Variants in NCAPD3 observed in about 807,000 individuals in gnomAD.
NCAPD3 encodes condensin-2 complex subunit D3.
In NCAPD3, 105 loss-of-function variants were observed where a neutral mutation model predicts 182.9. The ratio of observed to expected loss-of-function variants is 0.57; its 90% CI spans 0.49 to 0.68. NCAPD3 has a LOEUF of 0.68. Among genes scored for constraint, NCAPD3 ranks in the 30% least tolerant of loss-of-function variants. NCAPD3 has a pLI of 0.00. For synonymous variants in NCAPD3, 815 were observed against 679.9 expected, an observed-to-expected ratio of 1.20 and a Z score of -3.09; for missense variants, 1,944 against 1,837.0, an observed-to-expected ratio of 1.06 and a Z score of -1.07.
At chr11:134,164,291 G>A (rs959458529) in intron 27 of NCAPD3, among the ~76,000 whole-genome samples, 16 of 152,222 alleles carry the variant, frequency 1.1e-4, no homozygotes, top group South Asian at 2.1e-4. Flanking sequence ...GGAGAAAGAG[G>A]AGATGAAGAG....
chr11:134,207,763 A>C (rs1937668966), intron 7 of NCAPD3, among the ~76,000 whole-genome samples: 1 of 151,754 alleles, frequency 6.6e-6, no homozygotes, highest in Non-Finnish European at 1.5e-5. Context: ...AAAAAAAAAA[A>C]AAAACCATCT....
At chr11:134,176,913 T>A (rs1944182666) in intron 23 of NCAPD3, among the ~76,000 whole-genome samples, 1 of 152,212 alleles carries the variant, frequency 6.6e-6, no homozygotes. Flanking sequence ...TAAAAAAGAA[T>A]AACAGAATTC....
intron 28 of NCAPD3, 85 bp from the exon 29 acceptor site, chr11:134,160,159 G>GT: frequency 7.2e-7 from 1 of 1,397,294 alleles, no homozygotes; most frequent in South Asian, 1.3e-5. Context: ...CTTCGCCTGT[G>GT]TAACAAACCT....
chr11:134,205,025 C>CA, intron 8 of NCAPD3, 54 bp from the exon 9 acceptor site: 1 of 1,317,106 alleles, frequency 7.6e-7, no homozygotes, highest in Admixed American at 1.8e-5. Flanking sequence ...CGACTGTCCC[C>CA]AAAAACCACT....
At chr11:134,171,312 G>T (rs1304482893) in intron 24 of NCAPD3, among the ~76,000 whole-genome samples, 1 of 152,168 alleles carries the variant, frequency 6.6e-6, no homozygotes, top group Non-Finnish European at 1.5e-5. Flanking sequence ...CTTGTAAAAA[G>T]AAGTTATTAC....
Position 134,158,281 on chromosome 11 carries a change from C to T in NCAPD3, c.4034+48G>A, listed in dbSNP as rs750173750. The T allele has an allele frequency of 3.1e-6, 5 of 1,605,842 alleles. No homozygotes were observed. In the African/African-American group the frequency reaches 5.4e-5, roughly 17 times the overall value. On this transcript the variant is annotated intron_variant, in intron 30 of 34. Coordinates refer to ENST00000534548, the MANE Select transcript of NCAPD3 (RefSeq NM_015261.3). ...GGAATGGCAGGGACGCCTCTGAGAA[C>T]ATCGCCACAGAGAACCAGCCCTGAT... is the stretch of plus-strand genomic sequence containing the variant.
At position 134,177,212 on chromosome 11, in the gene NCAPD3, T is replaced by A; in HGVS notation, c.3021+7A>T. ...GGGGAAAGGACAGATTGAACCCCCC[T>A]ACGCACCTGCAAGAGATTGGTAAGC... is the stretch of plus-strand genomic sequence containing the variant. On this transcript the variant is annotated splice_region_variant and intron_variant, in intron 23 of 34. Transcript: ENST00000534548. 6.2e-7 allele frequency: 1 copy of A among 1,602,944 alleles called. No individual in the cohort carries two copies. The highest frequency in any genetic ancestry group is 8.5e-7 in the Non-Finnish European group (1 of 1,169,782).
intron 24 of NCAPD3, 33 bp from the exon 25 acceptor site, chr11:134,169,087 C>A (rs764451661): frequency 1.9e-6 from 3 of 1,602,768 alleles, no homozygotes; most frequent in African/African-American, 1.3e-5. Context: ...GAGGGAGACC[C>A]ATTTGCTATG....
intron 27 of NCAPD3, 26 bp downstream of exon 27, chr11:134,167,967 AGAT>A (rs752434105): frequency 9.9e-5 from 159 of 1,604,878 alleles, no homozygotes; most frequent in African/African-American, 5.6e-4. Flanking sequence ...ACTTGTGAGA[AGAT>A]GATCTTAGGG....
chr11:134,194,009 C>A lies in NCAPD3; in HGVS notation c.1824+7G>T. 6.2e-7 allele frequency: 1 copy of A among 1,609,486 alleles called. No homozygotes were observed. Among genetic ancestry groups the A allele is most frequent in the Non-Finnish European group, 8.5e-7 (1 of 1,177,558 alleles). The stretch of plus-strand genomic sequence containing the variant: ...ATGCATTACATATATAATGTCCTGC[C>A]TCTCACCATAAGGAGTTCAGTAAGA... On this transcript the variant is annotated splice_region_variant and intron_variant, in intron 15 of 34. Coordinates refer to ENST00000534548, the MANE Select transcript of NCAPD3 (RefSeq NM_015261.3).
intron 16 of NCAPD3, among the ~76,000 whole-genome samples, chr11:134,189,419 G>A (rs576370274): frequency 6.3e-4 from 96 of 151,986 alleles, no homozygotes; most frequent in African/African-American, 1.6e-3. Flanking sequence ...CACATTTAAC[G>A]TTACACATTT....
chr11:134,205,601 T>C (rs1235725822), intron 8 of NCAPD3, among the ~76,000 whole-genome samples: 1 of 152,096 alleles, frequency 6.6e-6, no homozygotes, highest in Non-Finnish European at 1.5e-5. Flanking sequence ...CGTCTTCAAC[T>C]CCTGACCTCA....
Position 134,176,311 on chromosome 11 carries a change from C to G in NCAPD3, c.3097G>C (p.Ala1033Pro), listed in dbSNP as rs1188962387. The G allele has an allele frequency of 2.5e-6, 4 of 1,613,418 alleles. No individual in the cohort carries two copies. Among genetic ancestry groups the G allele is most frequent in the Non-Finnish European group, 3.4e-6 (4 of 1,179,460 alleles). ...TGACGTGAGGAAAAGATTTACCTGG[C>G]AATGTCTGGGTGTGAATCGATCAGA... The part of the protein sequence containing the change: ...STLIDSHPDI[A>P]SFGEFCLAHL... The change falls in exon 24 of 35, where the codon GCC becomes CCC. Residue 1033 changes from alanine to proline, a missense_variant. This residue lies in a region of NCAPD3 where 1,803 missense variants were observed against 1,674.6 expected (regional missense o/e 1.08). Coordinates refer to ENST00000534548, the MANE Select transcript of NCAPD3 (RefSeq NM_015261.3).
At position 134,204,427 on chromosome 11, in the gene NCAPD3, A is replaced by C. The variant is rs913240160; in HGVS notation, c.1090-256T>G. Among the ~76,000 whole-genome samples the C allele has an allele frequency of 1.8e-4, 28 of 152,252 alleles. No individual in the cohort carries two copies. Among genetic ancestry groups the C allele is most frequent in the African/African-American group, 5.8e-4 (24 of 41,462 alleles). ...GAGAGTTTTTAGATCCCCAGGTTTC[A>C]TAAGGTTCAAATTAAGAATCATTTG... On this transcript the variant is annotated intron_variant, in intron 9 of 34. Transcript: ENST00000534548. The surrounding 1 kb of genome is among the most constrained non-coding windows in gnomAD (Gnocchi z 4.3).
chr11:134,182,614 T>C (rs1004111959), intron 19 of NCAPD3, among the ~76,000 whole-genome samples: 3 of 152,208 alleles, frequency 2.0e-5, no homozygotes, highest in Non-Finnish European at 4.4e-5. Flanking sequence ...GATACTGAAC[T>C]ATCAGCCAGC....
At chr11:134,161,405 C>T (rs1433192542) in intron 28 of NCAPD3, among the ~76,000 whole-genome samples, 1 of 152,174 alleles carries the variant, frequency 6.6e-6, no homozygotes, top group East Asian at 1.9e-4. Context: ...TGAGTCAGTG[C>T]AAAAGGTAAG....
At chr11:134,223,476 G>A (rs1400996998) in intron 1 of NCAPD3, 1 of 702,446 alleles carries the variant, frequency 1.4e-6, no homozygotes, top group African/African-American at 1.7e-5. Context: ...GAGACATCCA[G>A]TGGAACCTAT....
intron 2 of NCAPD3, among the ~76,000 whole-genome samples, chr11:134,218,619 C>T (rs988238734): frequency 6.6e-6 from 1 of 152,156 alleles, no homozygotes; most frequent in African/African-American, 2.4e-5. Flanking sequence ...CTGGGGATCA[C>T]TGACTTCTTT....
intron 13 of NCAPD3, among the ~76,000 whole-genome samples, chr11:134,199,631 G>A (rs2136005694): frequency 6.6e-6 from 1 of 152,316 alleles, no homozygotes; most frequent in African/African-American, 2.4e-5. Context: ...AGTCTCCAGT[G>A]TACTGTACTG....
Sources: allele counts gnomAD v4.1 joint callset (sites outside exome capture counted in the v4.1 genomes callset), GRCh38; gene constraint gnomAD v4.1.1; regional missense constraint gnomAD v4.1.1; non-coding constraint Gnocchi (gnomAD v3.1); transcripts MANE v1.5; gene names NCBI Gene and HGNC (gene_info 2026-07-23, HGNC 2026-07-21).